The following BTN3A1 variants were observed in gnomAD, a reference collection of about 807,000 sequenced individuals.
The protein encoded by BTN3A1 is dJ45P21.3 (butyrophilin, subfamily 3, member A1).
A neutral mutation model predicts 43.0 loss-of-function variants in BTN3A1; 24 were observed. The ratio of observed to expected loss-of-function variants is 0.56; its 90% confidence interval spans 0.40 to 0.78. The LOEUF (loss-of-function observed/expected upper bound fraction) is 0.78. Ranked by LOEUF, BTN3A1 falls within the 30% of genes least tolerant of loss-of-function variation. The probability of loss-of-function intolerance (pLI) is 0.00; values close to 1 mark genes in which losing one functional copy is unlikely to be tolerated. For synonymous variants in BTN3A1, 181 were observed against 234.7 expected, an observed-to-expected ratio of 0.77 and a Z score of 2.09; for missense variants, 533 against 626.2, an observed-to-expected ratio of 0.85 and a Z score of 1.59.
At chr6:26,410,779 A>G (rs771896027) in intron 7 of BTN3A1, among the ~76,000 whole-genome samples, 10 of 149,916 alleles carry the variant, frequency 6.7e-5, no homozygotes, top group East Asian at 3.9e-4. Flanking sequence ...ATATATATGT[A>G]TATATATATG....
chr6:26,410,488 G>T (rs1012382819), intron 7 of BTN3A1, among the ~76,000 whole-genome samples: 3 of 151,852 alleles, frequency 2.0e-5, no homozygotes, highest in Non-Finnish European at 4.4e-5. Context: ...AGAAGAAAAA[G>T]AATAAAAGAT....
rs1284078341 is a variant in BTN3A1 at position 26,413,862 on chromosome 6, T to C, written c.*170T>C. ...GGGCCTCCCCCTCCACAGCAACCAATCACAACCATAAAGCTACAAGCACGC... is the reference window on the plus strand; with the variant it reads ...GGGCCTCCCCCTCCACAGCAACCAACCACAACCATAAAGCTACAAGCACGC... On this transcript the variant is annotated 3_prime_UTR_variant, in exon 10 of 10. Transcript: ENST00000289361. The C allele has an allele frequency of 3.1e-6, 4 of 1,288,670 alleles. No homozygotes were observed. Among genetic ancestry groups the C allele is most frequent in the East Asian group, 2.4e-5 (1 of 42,336 alleles). The allele number at this position is 1,288,670 out of a possible 1,614,324, so 79.8% of individuals were successfully genotyped here.
intron 8 of BTN3A1, 22 bp downstream of exon 8, chr6:26,411,157 T>C (rs773088228): frequency 8.7e-6 from 14 of 1,607,474 alleles, no homozygotes; most frequent in Non-Finnish European, 1.2e-5. Flanking sequence ...TGATGCTCTC[T>C]GAGTTTGCTG....
intron 1 of BTN3A1, chr6:26,404,190 G>C (rs1487401136): frequency 1.3e-5 from 2 of 152,218 alleles, no homozygotes; most frequent in Non-Finnish European, 2.9e-5. Flanking sequence ...ATGGCTGCAG[G>C]CCTCATGCTC....
chr6:26,409,396 C>T (rs1762127118), intron 4 of BTN3A1, 137 bp from the exon 5 acceptor site: 2 of 822,398 alleles, frequency 2.4e-6, no homozygotes, highest in Admixed American at 2.3e-5. Context: ...GAGATTTTAG[C>T]ATGAGAAAGA....
rs983739044 is a variant in BTN3A1, at chr6:26,413,837, G to T, written c.*145G>T. On this transcript the variant is annotated 3_prime_UTR_variant, in exon 10 of 10. Coordinates refer to ENST00000289361, the MANE Select transcript of BTN3A1 (RefSeq NM_007048.6). ...TTCTCCCTGCCCAGCTCAGAGCTGA[G>T]GGCCTCCCCCTCCACAGCAACCAAT... 2 of 1,515,778 alleles carry T rather than the reference G, an allele frequency of 1.3e-6. No homozygotes were observed. The highest frequency in any genetic ancestry group is 2.7e-5 in the African/African-American group (2 of 72,920). 93.9% of individuals were successfully genotyped at this position (1,515,778 alleles called of 1,614,324 possible). A position where few individuals can be genotyped will look rare whatever the true frequency, so the allele number is the denominator to read the frequency against.
chr6:26,414,216 A>G lies in BTN3A1; in HGVS notation c.*524A>G, dbSNP rs1762318366. ...ATTAAGCAACTTACATAACTCATGC[A>G]GTAATTTCTGCAGTTGGGAGATGTT... On this transcript the variant is annotated 3_prime_UTR_variant, in exon 10 of 10. Coordinates refer to ENST00000289361, the MANE Select transcript of BTN3A1 (RefSeq NM_007048.6). 5.9e-6 allele frequency: 1 copy of G among 169,726 alleles called. No individual in the cohort carries two copies. The allele number at this position is 169,726 out of a possible 1,614,324, so 10.5% of individuals were successfully genotyped here. A position where few individuals can be genotyped will look rare whatever the true frequency, so the allele number is the denominator to read the frequency against.
At chr6:26,406,655 T>G (rs1186670061) in intron 3 of BTN3A1, among the ~76,000 whole-genome samples, 2 of 152,240 alleles carry the variant, frequency 1.3e-5, no homozygotes, top group Non-Finnish European at 1.5e-5. Context: ...GGACTGTATC[T>G]GCTGCCAATG....
intron 9 of BTN3A1, chr6:26,412,659 G>A: frequency 6.4e-7 from 1 of 1,551,042 alleles, no homozygotes; most frequent in Non-Finnish European, 8.7e-7. Flanking sequence ...TAACATGATT[G>A]CCTTCTACAG....
At chr6:26,411,728 T>A in intron 9 of BTN3A1, 147 bp downstream of exon 9, 1 of 1,029,426 alleles carries the variant, frequency 9.7e-7, no homozygotes, top group Non-Finnish European at 1.4e-6. Context: ...AATTCCAATC[T>A]GAAAAGTGGG....
At chr6:26,409,849 C>A (rs1181308499) in intron 5 of BTN3A1, 45 bp from the exon 6 acceptor site, 1 of 1,613,892 alleles carries the variant, frequency 6.2e-7, no homozygotes, top group Admixed American at 1.7e-5. Context: ...TTTAGAAAAC[C>A]CCCTCACCTG....
intron 9 of BTN3A1, 115 bp downstream of exon 9, chr6:26,411,696 G>T (rs1157684794): frequency 7.5e-7 from 1 of 1,327,026 alleles, no homozygotes; most frequent in Non-Finnish European, 1.0e-6. Context: ...ATGACTAGGA[G>T]AATTTGGGGT....
At chr6:26,410,072 A>G (rs1301015765) in intron 7 of BTN3A1, 40 bp downstream of exon 7, 2 of 1,610,426 alleles carry the variant, frequency 1.2e-6, no homozygotes, top group East Asian at 2.2e-5. Flanking sequence ...TGAATCTATA[A>G]CTGTCTGTGC....
At position 26,413,782 on chromosome 6, in the gene BTN3A1, G is replaced by C; in HGVS notation, c.*90G>C. On this transcript the variant is annotated 3_prime_UTR_variant, in exon 10 of 10. Transcript: ENST00000289361. ...CCCGGGCTTAGCTAACGAAAGTGGG[G>C]AGCCTCAGGCTGAAGTAACTTTTCT... 1 of 1,601,580 alleles carries C rather than the reference G, an allele frequency of 6.2e-7. No individual in the cohort carries two copies. The highest frequency in any genetic ancestry group is 1.1e-5 in the South Asian group (1 of 91,042).
intron 4 of BTN3A1, among the ~76,000 whole-genome samples, chr6:26,408,412 A>T (rs1236702608): frequency 6.6e-6 from 1 of 152,234 alleles, no homozygotes; most frequent in Non-Finnish European, 1.5e-5. Flanking sequence ...AAACATACTG[A>T]ATCATTTTTC....
chr6:26,411,263 G>A, intron 8 of BTN3A1, 128 bp downstream of exon 8: 4 of 1,265,276 alleles, frequency 3.2e-6, no homozygotes, highest in Non-Finnish European at 3.3e-6. Context: ...CTCAATTTGT[G>A]TGTTGTGGGG....
Position 26,405,604 on chromosome 6 carries a change from T to G in BTN3A1, c.41T>G (p.Phe14Cys). ...ASFLAFLLLN[F>C]RVCLLLLQLL... ...TTCCTGGCCTTCCTTCTGCTCAACT[T>G]TCGTGTCTGCCTCCTTTTGCTTCAG... is the stretch of plus-strand genomic sequence containing the variant. Residue 14 changes from phenylalanine to cysteine, a missense_variant, in exon 2 of 10, where the codon TTT becomes TGT. Physicochemically the swap from Phe to Cys is radical, Grantham distance 205. Coordinates refer to ENST00000289361, the MANE Select transcript of BTN3A1 (RefSeq NM_007048.6). 8.7e-6 allele frequency: 14 copies of G among 1,614,146 alleles called. No homozygotes were observed. The highest frequency in any genetic ancestry group is 1.2e-5 in the Non-Finnish European group (14 of 1,180,032).
At position 26,413,906 on chromosome 6, in the gene BTN3A1, T is replaced by C; in HGVS notation, c.*214T>C. 1 of 777,766 alleles carries C rather than the reference T, an allele frequency of 1.3e-6. No individual in the cohort carries two copies. 48.2% of individuals were successfully genotyped at this position (777,766 alleles called of 1,614,324 possible). On this transcript the variant is annotated 3_prime_UTR_variant, in exon 10 of 10. Transcript: ENST00000289361. The stretch of plus-strand genomic sequence containing the variant: ...AGCACGCACTGAAGCACTTTACTGA[T>C]ACTCATTCAATTATTCATATGACAG...
At position 26,413,727 on chromosome 6, in the gene BTN3A1, T is replaced by C. The variant is rs1257008302; in HGVS notation, c.*35T>C. ...GAGAGTTCCTCCAATTCTGACCGAG[T>C]GCTGATCATTCCCTAGAGACACCAG... On this transcript the variant is annotated 3_prime_UTR_variant, in exon 10 of 10. Transcript: ENST00000289361. The C allele has an allele frequency of 1.9e-6, 3 of 1,609,142 alleles. No homozygotes were observed. Among genetic ancestry groups the C allele is most frequent in the Admixed American group, 1.7e-5 (1 of 59,948 alleles).
Sources: allele counts gnomAD v4.1 joint callset (sites outside exome capture counted in the v4.1 genomes callset), GRCh38; gene constraint gnomAD v4.1.1; transcripts MANE v1.5; gene names NCBI Gene and HGNC (gene_info 2026-07-23, HGNC 2026-07-21).